Variants in RREB1 observed in about 807,000 individuals in gnomAD.
RREB1 encodes ras-responsive element-binding protein 1.
Under a neutral mutation model 117.8 loss-of-function variants are expected in RREB1, and 27 were observed. The observed-to-expected ratio is 0.23, with a 90% CI of 0.17 to 0.32. RREB1 has a LOEUF of 0.32. Among genes scored for constraint, RREB1 ranks in the 10% least tolerant of loss-of-function variants. RREB1 has a pLI of 1.00. For synonymous variants in RREB1, 1,298 were observed against 1,026.7 expected (o/e 1.26, Z -5.05); for missense variants, 2,577 against 2,378.2 (o/e 1.08, Z -1.74).
At chr6:7,224,999 G>A (rs968806745) in intron 8 of RREB1, among the ~76,000 whole-genome samples, 3 of 152,208 alleles carry the variant, frequency 2.0e-5, no homozygotes, top group East Asian at 1.9e-4. Flanking sequence ...CCGCTACAGC[G>A]CGATAAGGCA....
At chr6:7,121,855 A>G (rs761570023) in intron 1 of RREB1, among the ~76,000 whole-genome samples, 3 of 152,082 alleles carry the variant, frequency 2.0e-5, no homozygotes, top group Non-Finnish European at 2.9e-5. Context: ...GCTGGAGTGC[A>G]GGTGTGCTGC....
rs187793832 is a variant in RREB1 at position 7,136,355 on chromosome 6, T to C, written c.-285+28295T>C. On this transcript the variant is annotated intron_variant, in intron 1 of 12. Coordinates refer to ENST00000379938, the MANE Select transcript of RREB1 (RefSeq NM_001003699.4). ...TGAAGAATTGTTTAATTGGCTAGGA[T>C]TTCTCCCCCCTTCAGTAGCTTCAGA... Among the ~76,000 whole-genome samples, 254 of 152,338 alleles carry C rather than the reference T, an allele frequency of 1.7e-3. 3 individuals are homozygous for C. The highest frequency in any genetic ancestry group is 2.9e-4 in the Non-Finnish European group (20 of 68,034).
Position 7,137,264 on chromosome 6 carries a change from C to T in RREB1, c.-285+29204C>T, listed in dbSNP as rs192668732. Among the ~76,000 whole-genome samples the T allele has an allele frequency of 4.8e-3, 734 of 152,314 alleles. 7 individuals carry two copies. Among genetic ancestry groups the T allele is most frequent in the Middle Eastern group, 0.044 (13 of 294 alleles). ...CTAGACCTGATGCCTCTCCCTTCCC[C>T]CCTGAGCCCCCAGGGAAGGAGCTGC... On this transcript the variant is annotated intron_variant, in intron 1 of 12. Coordinates refer to ENST00000379938, the MANE Select transcript of RREB1 (RefSeq NM_001003699.4).
At chr6:7,143,670 A>T (rs1762726421) in intron 1 of RREB1, among the ~76,000 whole-genome samples, 1 of 152,124 alleles carries the variant, frequency 6.6e-6, no homozygotes, top group Non-Finnish European at 1.5e-5. Flanking sequence ...CTTTCTGTGG[A>T]ACAACAGCAA....
At chr6:7,149,018 G>T (rs936577058) in intron 1 of RREB1, among the ~76,000 whole-genome samples, 1 of 152,136 alleles carries the variant, frequency 6.6e-6, no homozygotes, top group African/African-American at 2.4e-5. Context: ...TGCCTCCCAG[G>T]TTCAAGCAAT....
chr6:7,169,509 C>A (rs141225265), intron 1 of RREB1, among the ~76,000 whole-genome samples: 205 of 152,294 alleles, frequency 1.3e-3, no homozygotes, highest in African/African-American at 4.5e-3. Flanking sequence ...GGGAAAGGGC[C>A]AGGGACTCAA....
chr6:7,245,294 C>G (rs1209333398), intron 11 of RREB1, among the ~76,000 whole-genome samples: 1 of 152,130 alleles, frequency 6.6e-6, no homozygotes, highest in Non-Finnish European at 1.5e-5. Context: ...TCTTGGGAGG[C>G]TGAGGCAGGA....
intron 6 of RREB1, among the ~76,000 whole-genome samples, chr6:7,201,483 T>G (rs1765975014): frequency 6.6e-6 from 1 of 151,462 alleles, no homozygotes; most frequent in Non-Finnish European, 1.5e-5. Context: ...AGGTGATTAG[T>G]GGCAACATTG....
At chr6:7,168,027 G>A (rs998371544) in intron 1 of RREB1, among the ~76,000 whole-genome samples, 3 of 152,000 alleles carry the variant, frequency 2.0e-5, no homozygotes, top group Admixed American at 1.3e-4. Context: ...TTGTGAGGCC[G>A]AGGTGGGAGG....
At chr6:7,130,031 G>C (rs1762085904) in intron 1 of RREB1, among the ~76,000 whole-genome samples, 1 of 152,148 alleles carries the variant, frequency 6.6e-6, no homozygotes, top group Non-Finnish European at 1.5e-5. Context: ...AGGTGTTGTA[G>C]TGTGGCACTT....
In RREB1 at chr6:7,249,202, C is replaced by T. The variant is rs1769304636; in HGVS notation, c.*234C>T. 2 of 480,066 alleles carry T rather than the reference C, an allele frequency of 4.2e-6. No homozygotes were observed. Among genetic ancestry groups the T allele is most frequent in the Non-Finnish European group, 7.3e-6 (2 of 273,060 alleles). 29.7% of individuals were successfully genotyped at this position (480,066 alleles called of 1,614,324 possible). ...CGATTCCAGTGCCTTAACTACTTAC[C>T]GGATCCCTCCATATTATCATGGGTG... On this transcript the variant is annotated 3_prime_UTR_variant, in exon 13 of 13. Transcript: ENST00000379938.
At chr6:7,189,587 T>G (rs746326087) in intron 6 of RREB1, among the ~76,000 whole-genome samples, 4 of 152,166 alleles carry the variant, frequency 2.6e-5, no homozygotes, top group South Asian at 2.1e-4. Context: ...GTTGTTTGTT[T>G]GGGTGCTAGA....
At chr6:7,170,160 C>A (rs1217820302) in intron 1 of RREB1, among the ~76,000 whole-genome samples, 1 of 152,172 alleles carries the variant, frequency 6.6e-6, no homozygotes, top group Non-Finnish European at 1.5e-5. Flanking sequence ...TGCTCCAGGT[C>A]AAGACCAGCG....
Position 7,248,630 on chromosome 6 carries a change from G to A in RREB1, c.4891G>A (p.Asp1631Asn), listed in dbSNP as rs755441333. The A allele has an allele frequency of 1.3e-5, 21 of 1,614,128 alleles. No individual in the cohort carries two copies. The highest frequency in any genetic ancestry group is 1.7e-5 in the Admixed American group (1 of 60,014). ...TGCCAAACACCACGGGAAGGACAGC[G>A]ACAAGGAAGAGCGGGGTGAGGAGGA... ...RHAKHHGKDSDKEERGEEDSE... is the reference protein window; with the variant it reads ...RHAKHHGKDSNKEERGEEDSE... Residue 1631 changes from aspartate (D) to asparagine (N), a missense_variant, in exon 13 of 13, where the codon GAC (aspartate) becomes AAC (asparagine). Physicochemically the swap from Asp to Asn is conservative, Grantham distance 23. Coordinates refer to ENST00000379938, the MANE Select transcript of RREB1 (RefSeq NM_001003699.4).
chr6:7,226,492 C>A lies in RREB1; in HGVS notation c.733C>A (p.Arg245=), dbSNP rs2113090610. The change falls in exon 9 of 13, where the codon CGA becomes AGA. Residue 245 remains arginine (R), a synonymous_variant. Coordinates refer to ENST00000379938, the MANE Select transcript of RREB1 (RefSeq NM_001003699.4). The part of the protein sequence containing the change: ...LRCDICCVTF[R]THRGLLRHNA... ...ATGTGACATTTGTTGTGTCACCTTT[C>A]GAACACATCGAGGACTGCTGCGTCA... The A allele has an allele frequency of 6.2e-7, 1 of 1,613,454 alleles. No homozygotes were observed. Among genetic ancestry groups the A allele is most frequent in the African/African-American group, 1.3e-5 (1 of 75,026 alleles).
intron 1 of RREB1, among the ~76,000 whole-genome samples, chr6:7,114,474 G>T (rs986498011): frequency 1.3e-5 from 2 of 152,050 alleles, no homozygotes; most frequent in African/African-American, 2.4e-5. Flanking sequence ...CTGGTGGGGG[G>T]GGGGGCGGCA....
At chr6:7,160,241 G>A (rs543468318) in intron 1 of RREB1, among the ~76,000 whole-genome samples, 1 of 151,708 alleles carries the variant, frequency 6.6e-6, no homozygotes, top group African/African-American at 2.4e-5. Flanking sequence ...AGACACAGGG[G>A]TCTTGCTATA....
chr6:7,122,969 G>A (rs1240819829), intron 1 of RREB1, among the ~76,000 whole-genome samples: 1 of 152,184 alleles, frequency 6.6e-6, no homozygotes, highest in African/African-American at 2.4e-5. Context: ...GGATAGTGGT[G>A]ACCACACATA....
intron 6 of RREB1, 114 bp downstream of exon 6, chr6:7,189,436 G>C (rs777449728): frequency 3.0e-6 from 3 of 1,004,968 alleles, no homozygotes; most frequent in South Asian, 3.6e-5. Flanking sequence ...GAGTTCTGGA[G>C]CTCTGTCCAT....
Sources: allele counts gnomAD v4.1 joint callset (sites outside exome capture counted in the v4.1 genomes callset), GRCh38; gene constraint gnomAD v4.1.1; transcripts MANE v1.5; gene names NCBI Gene and HGNC (gene_info 2026-07-23, HGNC 2026-07-21).